The following QTMAN variants were observed in gnomAD, a reference collection of about 807,000 sequenced individuals.
QTMAN encodes queuosine-tRNA mannosyltransferase.
the QTMAN span, among the ~76,000 whole-genome samples, chr2:144,055,334 GACACACACAC>G: frequency 9.3e-4 from 123 of 132,852 alleles, no homozygotes; most frequent in African/African-American, 3.0e-3. Context: ...CAGACACACA[GACACACACAC>G]ACACACACAC....
the QTMAN span, among the ~76,000 whole-genome samples, chr2:144,035,642 T>C: frequency 6.6e-6 from 1 of 152,208 alleles, no homozygotes; most frequent in African/African-American, 2.4e-5. Context: ...ATTTGACAGA[T>C]GTGTAGAAAC....
At chr2:144,142,100 T>G in the QTMAN span, 1 of 1,419,870 alleles carries the variant, frequency 7.0e-7, no homozygotes, top group Non-Finnish European at 9.8e-7. Flanking sequence ...CCAGACTCAT[T>G]CAGAGTAATT....
the QTMAN span, among the ~76,000 whole-genome samples, chr2:144,037,321 A>G: frequency 6.6e-6 from 1 of 152,244 alleles, no homozygotes; most frequent in Non-Finnish European, 1.5e-5. Flanking sequence ...ATTTTTGTAC[A>G]ACAATTAAGT....
chr2:144,013,513 A>G, the QTMAN span, among the ~76,000 whole-genome samples: 1 of 152,204 alleles, frequency 6.6e-6, no homozygotes, highest in African/African-American at 2.4e-5. Flanking sequence ...ACTTGAAGCC[A>G]TACACCAATG....
At chr2:144,094,195 T>C in the QTMAN span, among the ~76,000 whole-genome samples, 2 of 152,200 alleles carry the variant, frequency 1.3e-5, no homozygotes, top group African/African-American at 4.8e-5. Context: ...AAGAAAATAT[T>C]AGAGAAGTGA....
At chr2:144,332,013 G>C in the QTMAN span, among the ~76,000 whole-genome samples, 17 of 152,314 alleles carry the variant, frequency 1.1e-4, no homozygotes, top group Admixed American at 9.1e-4. Context: ...CCGGACGCCC[G>C]GCCTCCCTTC....
At chr2:144,220,333 T>C in the QTMAN span, among the ~76,000 whole-genome samples, 1 of 152,340 alleles carries the variant, frequency 6.6e-6, no homozygotes, top group South Asian at 2.1e-4. Context: ...CATAGACAAC[T>C]GTGTATAATT....
the QTMAN span, among the ~76,000 whole-genome samples, chr2:144,018,414 G>A: frequency 6.6e-6 from 1 of 151,774 alleles, no homozygotes; most frequent in Non-Finnish European, 1.5e-5. Context: ...TAATTTTTAA[G>A]CCACAGAAAC....
the QTMAN span, among the ~76,000 whole-genome samples, chr2:144,099,880 G>C: frequency 6.6e-6 from 1 of 152,186 alleles, no homozygotes; most frequent in African/African-American, 2.4e-5. Context: ...GGAATGTTCT[G>C]CTCTCTTAAG....
chr2:144,022,479 T>C, the QTMAN span, among the ~76,000 whole-genome samples: 1 of 151,120 alleles, frequency 6.6e-6, no homozygotes, highest in Admixed American at 6.6e-5. Context: ...AATTTCTTTC[T>C]CCATTTTGCT....
chr2:144,187,839 G>A, the QTMAN span, among the ~76,000 whole-genome samples: 1 of 152,130 alleles, frequency 6.6e-6, no homozygotes, highest in Non-Finnish European at 1.5e-5. Flanking sequence ...CATTCAAAAT[G>A]TCTGTGCTGA....
At chr2:144,133,432 T>C in the QTMAN span, among the ~76,000 whole-genome samples, 15 of 36,862 alleles carry the variant, frequency 4.1e-4, no homozygotes, top group African/African-American at 1.8e-3. Context: ...ATATATAATA[T>C]ATAATATATA....
the QTMAN span, among the ~76,000 whole-genome samples, chr2:144,301,859 C>T: frequency 1.3e-5 from 2 of 152,196 alleles, no homozygotes; most frequent in Admixed American, 1.3e-4. Flanking sequence ...CCAGCACGGG[C>T]ACATCATGGG....
chr2:144,115,948 C>A, the QTMAN span, among the ~76,000 whole-genome samples: 2 of 152,234 alleles, frequency 1.3e-5, no homozygotes, highest in East Asian at 3.9e-4. Context: ...AACTCACAGG[C>A]AGGGAGATAA....
the QTMAN span, among the ~76,000 whole-genome samples, chr2:143,994,888 T>A: frequency 6.6e-6 from 1 of 152,314 alleles, no homozygotes; most frequent in East Asian, 1.9e-4. Flanking sequence ...TTTTGACATA[T>A]AAATTATACC....
chr2:144,294,287 C>G, the QTMAN span: 2 of 152,206 alleles, frequency 1.3e-5, no homozygotes, highest in Non-Finnish European at 2.9e-5. Context: ...TGCCACAAGG[C>G]CTTTGCACAT....
chr2:143,947,153 GAGA>G, the QTMAN span: 29 of 1,574,320 alleles, frequency 1.8e-5, 1 homozygote, highest in Middle Eastern at 1.2e-3. Context: ...GAGGAGGAGG[GAGA>G]GAAGAGAAAG....
At chr2:144,040,353 G>A in the QTMAN span, among the ~76,000 whole-genome samples, 1 of 151,832 alleles carries the variant, frequency 6.6e-6, no homozygotes, top group Admixed American at 6.6e-5. Context: ...GCTTCTGCTT[G>A]AGTTAACTTG....
chr2:144,072,463 T>TA, the QTMAN span, among the ~76,000 whole-genome samples: 4 of 152,206 alleles, frequency 2.6e-5, no homozygotes, highest in African/African-American at 9.6e-5. Flanking sequence ...TTCGAGCACT[T>TA]AGTCCGTCTT....
Sources: allele counts gnomAD v4.1 joint callset (sites outside exome capture counted in the v4.1 genomes callset), GRCh38; gene constraint gnomAD v4.1.1; transcripts MANE v1.5; gene names NCBI Gene and HGNC (gene_info 2026-07-23, HGNC 2026-07-21).